Variants in FGF12 observed in about 807,000 individuals in gnomAD.
FGF12 encodes the protein fibroblast growth factor 12B.
In FGF12, 14 loss-of-function variants were observed where a neutral mutation model predicts 23.6. That is an observed-to-expected ratio of 0.59 (90% CI 0.39 to 0.93). The LOEUF (loss-of-function observed/expected upper bound fraction) is 0.93, where lower values mean the gene tolerates loss of function less well. Ranked by LOEUF, FGF12 falls within the 40% of genes least tolerant of loss-of-function variation. FGF12 has a pLI of 0.00. For synonymous variants in FGF12, 62 were observed against 77.3 expected (o/e 0.80, Z 1.04); for missense variants, 175 against 217.8 (o/e 0.80, Z 1.24).
chr3:192,364,164 T>C (rs1453206611), intron 2 of FGF12, among the ~76,000 whole-genome samples: 2 of 152,182 alleles, frequency 1.3e-5, no homozygotes, highest in African/African-American at 4.8e-5. Flanking sequence ...CAGCCTGGTA[T>C]AGACAGAATA....
intron 5 of FGF12, among the ~76,000 whole-genome samples, chr3:192,154,106 C>T (rs559125759): frequency 3.4e-5 from 4 of 117,836 alleles, no homozygotes; most frequent in East Asian, 2.2e-4. Context: ...TTGATCGCAT[C>T]GGCTCCTGAG....
chr3:192,660,890 G>C (rs1400456502), intron 2 of FGF12, among the ~76,000 whole-genome samples: 2 of 149,022 alleles, frequency 1.3e-5, no homozygotes, highest in Admixed American at 6.8e-5. Context: ...TGGGGGTGGG[G>C]GTGGGGCAAA....
At chr3:192,294,660 G>A (rs1213313018) in intron 4 of FGF12, among the ~76,000 whole-genome samples, 1 of 152,122 alleles carries the variant, frequency 6.6e-6, no homozygotes, top group Admixed American at 6.5e-5. Flanking sequence ...TCTTTTTAAT[G>A]TTTAACATGC....
At chr3:192,222,346 G>C (rs2108574263) in intron 4 of FGF12, among the ~76,000 whole-genome samples, 1 of 152,252 alleles carries the variant, frequency 6.6e-6, no homozygotes, top group South Asian at 2.1e-4. Flanking sequence ...CATGTCCTTA[G>C]AATGTCCAGA....
chr3:192,515,448 C>T (rs1300123049), intron 2 of FGF12: 1 of 152,562 alleles, frequency 6.6e-6, no homozygotes, highest in Non-Finnish European at 1.5e-5. Context: ...TAGGCGTGGA[C>T]AGAGTGCCGA....
chr3:192,327,549 G>A (rs530409866), intron 4 of FGF12, among the ~76,000 whole-genome samples: 44 of 136,792 alleles, frequency 3.2e-4, no homozygotes, highest in African/African-American at 1.1e-3. Context: ...ACAAATCATC[G>A]CTATAGTTTG....
At chr3:192,699,087 G>A (rs371765773) in intron 2 of FGF12, among the ~76,000 whole-genome samples, 9 of 152,210 alleles carry the variant, frequency 5.9e-5, no homozygotes, top group East Asian at 3.9e-4. Flanking sequence ...AGTGTTTCCC[G>A]ATAAATCCTT....
chr3:192,441,407 A>G, intron 2 of FGF12, among the ~76,000 whole-genome samples: 1 of 151,964 alleles, frequency 6.6e-6, no homozygotes, highest in South Asian at 2.1e-4. Flanking sequence ...TCAGCCACTG[A>G]CTCTCTGATC....
intron 4 of FGF12, among the ~76,000 whole-genome samples, chr3:192,239,525 G>A (rs1406880901): frequency 1.3e-5 from 2 of 152,136 alleles, no homozygotes; most frequent in Non-Finnish European, 2.9e-5. Flanking sequence ...GACTGGTACT[G>A]GTCTGTGGCC....
Position 192,355,534 on chromosome 3 carries a change from G to A in FGF12, c.124+4894C>T, listed in dbSNP as rs1334878060. ...ATAAACACACCCAAGGTTGAACAAA[G>A]TTTGTTTTAATAACACTCGGCAAGG... On this transcript the variant is annotated intron_variant, in intron 3 of 5. Coordinates refer to ENST00000445105, the MANE Select transcript of FGF12 (RefSeq NM_004113.6). Among the ~76,000 whole-genome samples, 7 of 152,196 alleles carry A rather than the reference G, an allele frequency of 4.6e-5. No individual in the cohort carries two copies. In the East Asian group the frequency reaches 1.3e-3, roughly 29 times the overall value.
At chr3:192,582,209 G>A (rs1713185160) in intron 2 of FGF12, among the ~76,000 whole-genome samples, 1 of 152,124 alleles carries the variant, frequency 6.6e-6, no homozygotes, top group South Asian at 2.1e-4. Context: ...TGTGTATTTA[G>A]AATCTCTATA....
intron 2 of FGF12, among the ~76,000 whole-genome samples, chr3:192,574,224 T>G (rs1712777600): frequency 6.6e-6 from 1 of 152,248 alleles, no homozygotes; most frequent in Non-Finnish European, 1.5e-5. Flanking sequence ...TTGTTTATTT[T>G]GGATATGGAG....
At chr3:192,478,386 C>T (rs1245979713) in intron 2 of FGF12, among the ~76,000 whole-genome samples, 2 of 151,646 alleles carry the variant, frequency 1.3e-5, no homozygotes, top group Non-Finnish European at 2.9e-5. Context: ...AAACTATATA[C>T]TATATATCCT....
intron 4 of FGF12, among the ~76,000 whole-genome samples, chr3:192,298,479 A>C (rs1715164414): frequency 6.6e-6 from 1 of 152,214 alleles, no homozygotes; most frequent in Admixed American, 6.5e-5. Flanking sequence ...GGCCAGTCAC[A>C]GTGGCACATG....
intron 4 of FGF12, among the ~76,000 whole-genome samples, chr3:192,228,512 T>A (rs12107404): frequency 0.06 from 9,134 of 152,174 alleles, 300 homozygotes; most frequent in South Asian, 0.08. Context: ...TGTCAACTTG[T>A]CAAGGCGCGT....
Position 192,375,687 on chromosome 3 carries a change from CCT to C in FGF12, c.14-15151_14-15150del, listed in dbSNP as rs1411243357. 2.7e-5 allele frequency among the ~76,000 whole-genome samples: 4 copies of C among 150,628 alleles called. No homozygotes were observed. In the East Asian group the frequency reaches 7.9e-4, roughly 30 times the overall value. ...CCCTCTTTCCCCCCAGACTCAACCC[CCT>C]CTTTGTGAACCAATAAGGAACCAAT... On this transcript the variant is annotated intron_variant, in intron 2 of 5. Transcript: ENST00000445105.
intron 2 of FGF12, among the ~76,000 whole-genome samples, chr3:192,533,815 T>G (rs1430866762): frequency 6.6e-6 from 1 of 152,248 alleles, no homozygotes; most frequent in Non-Finnish European, 1.5e-5. Context: ...GGAATAGTTC[T>G]GTGTCTAATT....
At chr3:192,261,790 A>AAACTCAATACGTGTT (rs1712772076) in intron 4 of FGF12, among the ~76,000 whole-genome samples, 1 of 152,190 alleles carries the variant, frequency 6.6e-6, no homozygotes, top group African/African-American at 2.4e-5. Context: ...CAGACGAGGA[A>AAACTCAATACGTGTT]AACTCAATAC....
chr3:192,158,395 C>CTCTTTCTTTT (rs1444847834), intron 5 of FGF12, among the ~76,000 whole-genome samples: 1,817 of 72,766 alleles, frequency 0.025, 75 homozygotes, highest in African/African-American at 0.12. Context: ...TTCTTTCTCT[C>CTCTTTCTTTT]TCTTTCTTTT....
Sources: gnomAD v4.1 joint callset for allele counts (sites outside exome capture counted in the v4.1 genomes callset) on GRCh38, gnomAD v4.1.1 for gene constraint, MANE v1.5 for transcripts, NCBI Gene and HGNC (gene_info 2026-07-23, HGNC 2026-07-21) for gene names.